Variants in JAK1 observed in about 807,000 individuals in gnomAD.
JAK1 encodes Janus kinase 1, also known as tyrosine-protein kinase JAK1.
In JAK1, 16 loss-of-function variants were observed where a neutral mutation model predicts 136.6. That is an observed-to-expected ratio of 0.12 (90% CI 0.08 to 0.18). JAK1 has a LOEUF of 0.18. JAK1 is among the 10% of genes least tolerant of loss of function. The pLI is 1.00. For synonymous variants in JAK1, 492 were observed against 519.5 expected (o/e 0.95, Z 0.72); for missense variants, 859 against 1,450.1 (o/e 0.59, Z 6.62).
chr1:64,912,995 T>C (rs1320363784), intron 1 of JAK1, among the ~76,000 whole-genome samples: 2 of 152,138 alleles, frequency 1.3e-5, no homozygotes, highest in African/African-American at 4.8e-5. Context: ...GTTTAATTGG[T>C]AGGGTGGCCA....
chr1:65,061,154 C>CA (rs1197120547), intron 1 of JAK1, among the ~76,000 whole-genome samples: 1 of 152,172 alleles, frequency 6.6e-6, no homozygotes, highest in African/African-American at 2.4e-5. Context: ...CATGGTGGCT[C>CA]ACACCTGTAA....
In JAK1 at chr1:64,846,632, A is replaced by T. The variant is rs2101007577; in HGVS notation, c.1987+17T>A. ...CCCAGCCAGGCCACCCACCCCTTTG[A>T]AAGAGAACACACTTACTCTCCACGT... On this transcript the variant is annotated intron_variant, in intron 14 of 24. Transcript: ENST00000342505. 1 of 1,605,818 alleles carries T rather than the reference A, an allele frequency of 6.2e-7. No homozygotes were observed. The highest frequency in any genetic ancestry group is 8.5e-7 in the Non-Finnish European group (1 of 1,173,006).
intron 12 of JAK1, among the ~76,000 whole-genome samples, chr1:64,850,143 A>C (rs1021458959): frequency 2.6e-5 from 4 of 152,120 alleles, no homozygotes; most frequent in Admixed American, 2.6e-4. Context: ...CATCTCCCTG[A>C]TACCCCAACG....
chr1:65,060,912 T>G (rs534286347), intron 1 of JAK1, among the ~76,000 whole-genome samples: 1 of 152,258 alleles, frequency 6.6e-6, no homozygotes, highest in East Asian at 1.9e-4. Flanking sequence ...CAGGTACTCA[T>G]GCTACAGTAA....
chr1:65,062,593 G>A (rs900171354), intron 1 of JAK1, among the ~76,000 whole-genome samples: 1 of 152,140 alleles, frequency 6.6e-6, no homozygotes, highest in Non-Finnish European at 1.5e-5. Flanking sequence ...CACCCTTCTC[G>A]AAGCTTCTAT....
intron 1 of JAK1, among the ~76,000 whole-genome samples, chr1:65,049,970 G>A (rs1647241749): frequency 6.6e-6 from 1 of 152,184 alleles, no homozygotes; most frequent in South Asian, 2.1e-4. Context: ...TGGGGGTGAA[G>A]GGTGGGGGCA....
chr1:64,874,097 T>A (rs74080777), intron 4 of JAK1, among the ~76,000 whole-genome samples: 327 of 152,294 alleles, frequency 2.1e-3, no homozygotes, highest in African/African-American at 7.7e-3. Context: ...ACAAGCACTT[T>A]ATATATATTA....
intron 1 of JAK1, among the ~76,000 whole-genome samples, chr1:64,963,897 C>T (rs981254636): frequency 6.6e-6 from 1 of 152,138 alleles, no homozygotes; most frequent in Non-Finnish European, 1.5e-5. Context: ...AGTAGCATCC[C>T]TAGCCTCTAA....
chr1:64,877,358 T>G (rs973689616), intron 4 of JAK1, among the ~76,000 whole-genome samples: 3 of 151,918 alleles, frequency 2.0e-5, no homozygotes, highest in Non-Finnish European at 4.4e-5. Flanking sequence ...AAAGGGCCTG[T>G]GGTAACAAAG....
At chr1:64,887,054 G>C (rs1436615420) in intron 1 of JAK1, among the ~76,000 whole-genome samples, 1 of 152,154 alleles carries the variant, frequency 6.6e-6, no homozygotes, top group Non-Finnish European at 1.5e-5. Context: ...CTGAGGCCAC[G>C]AGGCCAGCAT....
At chr1:64,876,071 G>A (rs1657386364) in intron 4 of JAK1, 1 of 152,280 alleles carries the variant, frequency 6.6e-6, no homozygotes, top group Non-Finnish European at 1.5e-5. Context: ...GGTTTCCCGA[G>A]ATAAGGAAAG....
intron 11 of JAK1, among the ~76,000 whole-genome samples, chr1:64,854,807 CA>C (rs1380777266): frequency 6.6e-6 from 1 of 152,078 alleles, no homozygotes. Flanking sequence ...CCCTCCCTTC[CA>C]CCTTCACCTT....
chr1:64,946,783 T>C (rs1159887962), intron 1 of JAK1, among the ~76,000 whole-genome samples: 1 of 151,882 alleles, frequency 6.6e-6, no homozygotes, highest in Admixed American at 6.6e-5. Flanking sequence ...AGAAATATCA[T>C]TCACAACAGT....
At chr1:65,053,352 A>C (rs72677633) in intron 1 of JAK1, among the ~76,000 whole-genome samples, 6,012 of 152,272 alleles carry the variant, frequency 0.039, 160 homozygotes, top group Non-Finnish European at 0.059. Flanking sequence ...CTCAAAAAAA[A>C]CACAAAAACA....
At position 64,966,538 on chromosome 1, in the gene JAK1, G is replaced by A. The variant is rs1646384535; in HGVS notation, c.-283C>T. On this transcript the variant is annotated 5_prime_UTR_variant, in exon 1 of 25. Coordinates refer to ENST00000342505, the MANE Select transcript of JAK1 (RefSeq NM_002227.4). ...ATACTCCGCGGCCGCCGCGGCCTGC[G>A]CTCAGCGACGCACCGCCTCCCGTCC... The A allele has an allele frequency of 6.7e-6, 1 of 150,048 alleles. No individual in the cohort carries two copies. Among genetic ancestry groups the A allele is most frequent in the Non-Finnish European group, 1.5e-5 (1 of 67,214 alleles). The allele number at this position is 150,048 out of a possible 1,614,324, so 9.3% of individuals were successfully genotyped here. A position where few individuals can be genotyped will look rare whatever the true frequency, so the allele number is the denominator to read the frequency against.
chr1:65,063,574 C>T (rs1001419129), intron 1 of JAK1, among the ~76,000 whole-genome samples: 1 of 152,098 alleles, frequency 6.6e-6, no homozygotes, highest in Non-Finnish European at 1.5e-5. Flanking sequence ...GAGGCCAAGG[C>T]GGATGGATCA....
intron 2 of JAK1, among the ~76,000 whole-genome samples, chr1:65,027,073 G>A (rs1646984682): frequency 6.6e-6 from 1 of 151,728 alleles, no homozygotes; most frequent in African/African-American, 2.4e-5. Flanking sequence ...TTTAGATGGA[G>A]TATCACTCTG....
In JAK1 at chr1:64,834,448, C is replaced by T. The variant is rs1381500913; in HGVS notation, c.*114G>A. 2 of 707,660 alleles carry T rather than the reference C, an allele frequency of 2.8e-6. No homozygotes were observed. Among genetic ancestry groups the T allele is most frequent in the Non-Finnish European group, 5.0e-6 (2 of 402,400 alleles). 43.8% of individuals were successfully genotyped at this position (707,660 alleles called of 1,614,324 possible). Reference sequence around the variant, plus strand: ...ATGTACTGAAGTATGAGTTCAGTGACTTTTTGGACAGAACACAAACTTCTT... The same window carrying T: ...ATGTACTGAAGTATGAGTTCAGTGATTTTTTGGACAGAACACAAACTTCTT... On this transcript the variant is annotated 3_prime_UTR_variant, in exon 25 of 25. Coordinates refer to ENST00000342505, the MANE Select transcript of JAK1 (RefSeq NM_002227.4).
At chr1:65,016,033 T>G (rs533837338) in intron 2 of JAK1, among the ~76,000 whole-genome samples, 2 of 152,330 alleles carry the variant, frequency 1.3e-5, no homozygotes, top group South Asian at 4.1e-4. Context: ...GAAGTTCTGA[T>G]AGATGCCCCA....
Sources: gnomAD v4.1 joint callset for allele counts (sites outside exome capture counted in the v4.1 genomes callset) on GRCh38, gnomAD v4.1.1 for gene constraint, MANE v1.5 for transcripts, NCBI Gene and HGNC (gene_info 2026-07-23, HGNC 2026-07-21) for gene names.